Variants in RBFOX2 observed in about 807,000 individuals in gnomAD.
RBFOX2 encodes the protein RNA binding fox-1 homolog 2.
RBFOX2 carries 10 observed loss-of-function variants against 49.1 expected under a neutral mutation model. That is an observed-to-expected ratio of 0.20 (90% confidence interval 0.13 to 0.35). The LOEUF is 0.35. Among genes scored for constraint, RBFOX2 ranks in the 10% least tolerant of loss-of-function variants. RBFOX2 has a pLI of 1.00. For synonymous variants in RBFOX2, 183 were observed against 187.4 expected (o/e 0.98, Z 0.19); for missense variants, 323 against 486.9 (o/e 0.66, Z 3.17).
chr22:35,768,134 C>CAA, intron 5 of RBFOX2, 123 bp downstream of exon 6: 1 of 1,004,124 alleles, frequency 1.0e-6, no homozygotes, highest in Non-Finnish European at 1.5e-6. Context: ...GACAGAGATA[C>CAA]AAACACACAT....
chr22:35,840,712 G>T (rs1047225126), upstream of RBFOX2: 3 of 728,696 alleles, frequency 4.1e-6, no homozygotes, highest in Non-Finnish European at 5.1e-6. Flanking sequence ...TTTTAAGGAT[G>T]CGATGATGGA....
intron 2 of RBFOX2, among the ~76,000 whole-genome samples, chr22:35,790,346 G>A (rs1481846769): frequency 2.0e-5 from 3 of 152,176 alleles, no homozygotes; most frequent in African/African-American, 7.2e-5. Flanking sequence ...AGCAGATGAA[G>A]TAGGAAATGA....
chr22:35,804,192 T>G (rs1437559110), intron 2 of RBFOX2, among the ~76,000 whole-genome samples: 2 of 151,644 alleles, frequency 1.3e-5, no homozygotes, highest in East Asian at 1.9e-4. Context: ...GCAGGAGAAT[T>G]GGTCGAACCT....
intron 1 of RBFOX2, chr22:35,840,136 TTTA>T (rs1164827986): frequency 6.3e-7 from 1 of 1,589,770 alleles, no homozygotes; most frequent in Non-Finnish European, 8.6e-7. Context: ...CCCTCAAACC[TTTA>T]TTTAGATCCC....
chr22:35,741,853 C>G (rs528250572), exon 12 of RBFOX2: 2 of 152,656 alleles, frequency 1.3e-5, no homozygotes, highest in Non-Finnish European at 2.9e-5. Context: ...AAGAGAAAAA[C>G]TCTTAAACTC....
intron 1 of RBFOX2, among the ~76,000 whole-genome samples, chr22:36,008,132 C>A (rs1168601144): frequency 1.3e-5 from 2 of 152,130 alleles, no homozygotes; most frequent in Admixed American, 6.5e-5. Context: ...CTTTTCACCA[C>A]CACAGCAATA....
At chr22:35,913,324 G>C (rs2050033788) in intron 1 of RBFOX2, among the ~76,000 whole-genome samples, 1 of 151,868 alleles carries the variant, frequency 6.6e-6, no homozygotes, top group Admixed American at 6.6e-5. Flanking sequence ...TTTTTAAAAA[G>C]TAAAAAAAGT....
At chr22:35,873,843 ATTT>A (rs978850981) in intron 1 of RBFOX2, among the ~76,000 whole-genome samples, 9 of 151,796 alleles carry the variant, frequency 5.9e-5, no homozygotes, top group Non-Finnish European at 1.2e-4. Flanking sequence ...CGCCCAGCTA[ATTT>A]TTTTTGTTAT....
At chr22:35,989,708 AC>A (rs2057886388) in intron 1 of RBFOX2, among the ~76,000 whole-genome samples, 2 of 152,208 alleles carry the variant, frequency 1.3e-5, no homozygotes, top group South Asian at 4.1e-4. Context: ...AGAACTCACT[AC>A]AGAAAGGACG....
chr22:35,817,598 C>A (rs1953417938), intron 1 of RBFOX2, among the ~76,000 whole-genome samples: 1 of 152,032 alleles, frequency 6.6e-6, no homozygotes, highest in Non-Finnish European at 1.5e-5. Context: ...TTATATGGAA[C>A]CTGCAGCTAA....
At position 35,840,282 on chromosome 22, in the gene RBFOX2, T is replaced by C. The variant is rs976490340; in HGVS notation, c.-64A>G. 5.6e-6 allele frequency: 9 copies of C among 1,613,826 alleles called. No individual in the cohort carries two copies. The African/African-American group carries it at 1.2e-4, about 22-fold the overall frequency. ...GTGCTGGGGCACACCTCCACAGCTT[T>C]CTTTTCCACCCCCCTCCCCCCCCAA... On this transcript the variant is annotated 5_prime_UTR_variant, in exon 1 of 12. Transcript: ENST00000405409.
At chr22:35,744,897 C>G (rs1406309083) in intron 11 of RBFOX2, among the ~76,000 whole-genome samples, 2 of 152,192 alleles carry the variant, frequency 1.3e-5, no homozygotes, top group African/African-American at 4.8e-5. Flanking sequence ...TTATCTCTTT[C>G]AATTAGAAGT....
chr22:35,853,658 C>CGTGTGTGTGTGT (rs36048607), intron 1 of RBFOX2, among the ~76,000 whole-genome samples: 24 of 141,138 alleles, frequency 1.7e-4, no homozygotes, highest in South Asian at 1.5e-3. Context: ...TATATACACA[C>CGTGTGTGTGTGT]GTGTGTGTGT....
At chr22:35,893,648 A>T (rs1485035907) in intron 1 of RBFOX2, among the ~76,000 whole-genome samples, 1 of 152,240 alleles carries the variant, frequency 6.6e-6, no homozygotes, top group Non-Finnish European at 1.5e-5. Context: ...TCAATAGAGA[A>T]GAGAAAATAA....
intron 1 of RBFOX2, among the ~76,000 whole-genome samples, chr22:35,980,949 T>C (rs146776293): frequency 6.1e-4 from 93 of 152,244 alleles, no homozygotes; most frequent in Middle Eastern, 3.4e-3. Context: ...TATGGAGAAT[T>C]TTCTGAGTAG....
intron 1 of RBFOX2, among the ~76,000 whole-genome samples, chr22:36,001,306 G>C (rs1488906061): frequency 6.6e-6 from 1 of 151,258 alleles, no homozygotes; most frequent in Non-Finnish European, 1.5e-5. Flanking sequence ...CAAGCTGAAT[G>C]GGAAACTGCA....
In RBFOX2 at chr22:35,948,744, T is replaced by C. The variant is rs370516052; in HGVS notation, c.43-9847A>G. Among the ~76,000 whole-genome samples the C allele has an allele frequency of 3.9e-5, 6 of 152,282 alleles. No individual in the cohort carries two copies. The South Asian group carries it at 1.0e-3, about 26-fold the overall frequency. On this transcript the variant is annotated intron_variant, in intron 1 of 5. Coordinates refer to the RBFOX2 transcript ENST00000408983. ...AAGTTCCCCGTTAATCTATCTTTTCTAGTACTGAGGTTCAAGATCATACTA... is the reference window on the plus strand; with the variant it reads ...AAGTTCCCCGTTAATCTATCTTTTCCAGTACTGAGGTTCAAGATCATACTA...
intron 1 of RBFOX2, among the ~76,000 whole-genome samples, chr22:35,881,412 T>C (rs1361907141): frequency 6.6e-6 from 1 of 151,640 alleles, no homozygotes; most frequent in Non-Finnish European, 1.5e-5. Flanking sequence ...GACTTGTCTC[T>C]ACAAAAAAAT....
At chr22:35,955,759 T>TG (rs1254698880) in intron 1 of RBFOX2, among the ~76,000 whole-genome samples, 1 of 152,022 alleles carries the variant, frequency 6.6e-6, no homozygotes, top group Non-Finnish European at 1.5e-5. Context: ...GCCTGGTTCC[T>TG]AACAGGCCAC....
Sources: gnomAD v4.1 joint callset for allele counts (sites outside exome capture counted in the v4.1 genomes callset) on GRCh38, gnomAD v4.1.1 for gene constraint, MANE v1.5 for transcripts, NCBI Gene and HGNC (gene_info 2026-07-23, HGNC 2026-07-21) for gene names.